Variants in LINC00632 observed in about 807,000 individuals in gnomAD.
The protein encoded by LINC00632 is long independently transcribed non-coding RNA 632.
At chrX:140,789,996 G>A (rs1293489626) in exon 5 of LINC00632, among the ~76,000 whole-genome samples, 1 of 110,435 alleles carries the variant, frequency 9.1e-6, no homozygotes, top group Non-Finnish European at 1.9e-5. Flanking sequence ...TATTTAGATA[G>A]GCTTCTGCAC....
exon 5 of LINC00632, chrX:140,782,287 G>A (rs887641207): frequency 5.4e-5 from 6 of 111,762 alleles, no homozygotes; most frequent in African/African-American, 2.0e-4. Context: ...AAGCCTTTCT[G>A]TTCTTCAGTT....
intron 2 of LINC00632, among the ~76,000 whole-genome samples, chrX:140,724,691 G>C (rs747406525): frequency 5.6e-4 from 9 of 15,965 alleles, no homozygotes; most frequent in Admixed American, 5.3e-3. Flanking sequence ...TACACACACA[G>C]ACACATCCAG....
chrX:140,730,298 C>A (rs1213910334), intron 2 of LINC00632, among the ~76,000 whole-genome samples: 2 of 111,065 alleles, frequency 1.8e-5, no homozygotes, highest in Non-Finnish European at 3.8e-5. Flanking sequence ...CTTTGAATAA[C>A]CCACATACTT....
At chrX:140,720,082 G>C (rs755650806) in intron 2 of LINC00632, among the ~76,000 whole-genome samples, 3 of 96,947 alleles carry the variant, frequency 3.1e-5, no homozygotes, top group Non-Finnish European at 6.1e-5. Context: ...GCAAGACTCC[G>C]TCTCAAAAAA....
At chrX:140,745,329 C>T (rs144823461) in intron 3 of LINC00632, among the ~76,000 whole-genome samples, 65 of 110,200 alleles carry the variant, frequency 5.9e-4, no homozygotes, top group African/African-American at 1.7e-3. Flanking sequence ...TCACCTCCTG[C>T]GGATATATGA....
rs1931893988 is a variant in LINC00632 at position 140,777,971 on chromosome X, A to C, written n.5990A>C. 7.1e-5 allele frequency among the ~76,000 whole-genome samples: 8 copies of C among 112,256 alleles called. No individual in the cohort carries two copies. In the Admixed American group the frequency reaches 7.6e-4, roughly 11 times the overall value. On this transcript the variant is annotated non_coding_transcript_exon_variant, in exon 5 of 5. Transcript: ENST00000648200. ...ACCATGTTTTAGTCCCTCCCAGAAA[A>C]GGAAGTAGGGCATAATGCCATAGAA...
chrX:140,728,624 C>A lies in LINC00632; in HGVS notation n.105-5254C>A, dbSNP rs1470855027. ...ATACAGCCTACAGTGTACTTACCCCCACAACAACGTGGAAAACTTTCTAAT... is the reference window on the plus strand; with the variant it reads ...ATACAGCCTACAGTGTACTTACCCCAACAACAACGTGGAAAACTTTCTAAT... On this transcript the variant is annotated intron_variant and non_coding_transcript_variant, in intron 2 of 4. Transcript: ENST00000648200. Among the ~76,000 whole-genome samples, 4 of 111,428 alleles carry A rather than the reference C, an allele frequency of 3.6e-5. No homozygotes were observed. The Admixed American group carries it at 3.9e-4, about 11-fold the overall frequency.
intron 3 of LINC00632, among the ~76,000 whole-genome samples, chrX:140,737,686 T>C (rs1892450916): frequency 8.9e-6 from 1 of 111,871 alleles, no homozygotes; most frequent in Admixed American, 9.5e-5. Context: ...GAGATCAACT[T>C]TTTTAGCTCC....
chrX:140,722,380 C>A lies in LINC00632; in HGVS notation n.104+10724C>A, dbSNP rs1205867290. On this transcript the variant is annotated intron_variant and non_coding_transcript_variant, in intron 2 of 4. Transcript: ENST00000648200. Reference sequence around the variant, plus strand: ...ACCTGCAGTTAAAAAAAAAAAAAAACAACCTCACAGACACAGCATTCATCA... The same window carrying A: ...ACCTGCAGTTAAAAAAAAAAAAAAAAAACCTCACAGACACAGCATTCATCA... Among the ~76,000 whole-genome samples, 9 of 102,356 alleles carry A rather than the reference C, an allele frequency of 8.8e-5. No homozygotes were observed. The East Asian group carries it at 2.5e-3, about 28-fold the overall frequency. The allele number at this position is 102,356 out of a possible 115,157, so 88.9% of individuals were successfully genotyped here.
chrX:140,729,534 A>G (rs1465570892), intron 2 of LINC00632, among the ~76,000 whole-genome samples: 1 of 111,672 alleles, frequency 9.0e-6, no homozygotes, highest in Non-Finnish European at 1.9e-5. Flanking sequence ...CATATCCCAC[A>G]ATATACAGAC....
At chrX:140,759,464 C>A (rs1931565977) in intron 3 of LINC00632, among the ~76,000 whole-genome samples, 1 of 109,804 alleles carries the variant, frequency 9.1e-6, no homozygotes, top group Non-Finnish European at 1.9e-5. Context: ...GTAAGTCATT[C>A]TCCCGCCTCA....
exon 5 of LINC00632, among the ~76,000 whole-genome samples, chrX:140,789,059 G>A (rs1932068423): frequency 9.2e-6 from 1 of 108,191 alleles, no homozygotes; most frequent in Admixed American, 1.0e-4. Flanking sequence ...CTATCTCCCA[G>A]AGATAGCCAT....
At position 140,729,986 on chromosome X, in the gene LINC00632, C is replaced by T. The variant is rs1397481728; in HGVS notation, n.105-3892C>T. On this transcript the variant is annotated intron_variant and non_coding_transcript_variant, in intron 2 of 4. Transcript: ENST00000648200. ...CCGCCTCCCGGGTTCAAGCGATTCTCCTGCCTCAGCCTCCCCAGTAGCTGA... is the reference window on the plus strand; with the variant it reads ...CCGCCTCCCGGGTTCAAGCGATTCTTCTGCCTCAGCCTCCCCAGTAGCTGA... Among the ~76,000 whole-genome samples, 13 of 106,833 alleles carry T rather than the reference C, an allele frequency of 1.2e-4. No individual in the cohort carries two copies. The East Asian group carries it at 3.9e-3, about 32-fold the overall frequency. 92.8% of individuals were successfully genotyped at this position (106,833 alleles called of 115,157 possible).
At chrX:140,784,423 C>T (rs1367507566) in exon 5 of LINC00632, 2 of 1,166,271 alleles carry the variant, frequency 1.7e-6, no homozygotes, top group African/African-American at 3.6e-5. Context: ...TAAGCTACGT[C>T]TTCCAACAAA....
intron 3 of LINC00632, among the ~76,000 whole-genome samples, chrX:140,739,789 A>T (rs1039942451): frequency 7.2e-5 from 8 of 110,753 alleles, no homozygotes; most frequent in South Asian, 7.8e-4. Context: ...ATTGATTATA[A>T]GATCCATTCT....
intron 2 of LINC00632, chrX:140,713,381 A>G: frequency 3.7e-6 from 1 of 272,007 alleles, no homozygotes; most frequent in Admixed American, 4.7e-5. Context: ...GCTGCTTGCT[A>G]GTTGCATGAC....
At chrX:140,723,386 TTCCATACACACAC>T (rs1479290827) in intron 2 of LINC00632, among the ~76,000 whole-genome samples, 509 of 9,855 alleles carry the variant, frequency 0.052, 22 homozygotes, top group Admixed American at 0.28. Context: ...TACACACACA[TTCCATACACACAC>T]ATTCCATACA....
intron 2 of LINC00632, among the ~76,000 whole-genome samples, chrX:140,729,224 C>T (rs186626105): frequency 1.8e-5 from 2 of 110,815 alleles, no homozygotes; most frequent in Admixed American, 9.7e-5. Flanking sequence ...CACCCACATT[C>T]TCTTTACAAC....
chrX:140,730,065 C>T (rs999338130), intron 2 of LINC00632, among the ~76,000 whole-genome samples: 23 of 109,828 alleles, frequency 2.1e-4, no homozygotes, highest in African/African-American at 7.3e-4. Context: ...TTAGTAGAGA[C>T]GGGGTTTTAC....
Sources: allele counts gnomAD v4.1 joint callset (sites outside exome capture counted in the v4.1 genomes callset), GRCh38; gene constraint gnomAD v4.1.1; transcripts MANE v1.5; gene names NCBI Gene and HGNC (gene_info 2026-07-23, HGNC 2026-07-21).